NRXN1: variants seen among roughly 807,000 people sequenced by gnomAD.
The protein encoded by NRXN1 is neurexin-1.
In NRXN1, 39 loss-of-function variants were observed where a neutral mutation model predicts 150.9. The ratio of observed to expected loss-of-function variants is 0.26; its 90% CI spans 0.20 to 0.34. The LOEUF (loss-of-function observed/expected upper bound fraction) is 0.34, where lower values mean the gene tolerates loss of function less well. NRXN1 is among the 10% of genes least tolerant of loss of function. NRXN1 has a pLI of 1.00. For synonymous variants in NRXN1, 924 were observed against 757.0 expected (o/e 1.22, Z -3.62); for missense variants, 1,815 against 1,949.9 (o/e 0.93, Z 1.30).
intron 8 of NRXN1, among the ~76,000 whole-genome samples, chr2:50,569,018 T>C (rs1670265729): frequency 6.6e-6 from 1 of 152,074 alleles, no homozygotes; most frequent in Non-Finnish European, 1.5e-5. Flanking sequence ...GGAGGTCATA[T>C]TGTTAAGTGA....
At chr2:50,100,780 GACA>G (rs1354145257) in intron 18 of NRXN1, among the ~76,000 whole-genome samples, 11 of 152,036 alleles carry the variant, frequency 7.2e-5, no homozygotes, top group South Asian at 2.1e-4. Context: ...CATCCACTGA[GACA>G]ACAACTACTA....
chr2:50,358,898 C>T (rs540441792), intron 17 of NRXN1, among the ~76,000 whole-genome samples: 4 of 152,348 alleles, frequency 2.6e-5, no homozygotes, highest in African/African-American at 9.6e-5. Context: ...AAGCAGCAAC[C>T]TTTACTGTTC....
chr2:50,931,656 T>C (rs1574966077), intron 2 of NRXN1, among the ~76,000 whole-genome samples: 1 of 150,978 alleles, frequency 6.6e-6, no homozygotes, highest in East Asian at 1.9e-4. Context: ...AAGGATTTGA[T>C]TTTTCATTTC....
rs201074140 is a variant in NRXN1 at position 50,623,283 on chromosome 2, C to A, written c.1134+31G>T. The A allele has an allele frequency of 2.7e-4, 423 of 1,578,632 alleles. 2 individuals are homozygous for A. The South Asian group carries it at 4.4e-3, about 17-fold the overall frequency. Reference sequence around the variant, plus strand: ...CACACAGCTATAGCGAGAAACAAAGCCAGTTACTCTCTTATCCACTGCGCT... The same window carrying A: ...CACACAGCTATAGCGAGAAACAAAGACAGTTACTCTCTTATCCACTGCGCT... On this transcript the variant is annotated intron_variant, in intron 6 of 22. Transcript: ENST00000401669.
intron 18 of NRXN1, among the ~76,000 whole-genome samples, chr2:50,093,944 C>A (rs1013325246): frequency 8.5e-5 from 13 of 152,178 alleles, no homozygotes; most frequent in Admixed American, 2.0e-4. Context: ...GTTGTGCCAT[C>A]CTATAGCTGT....
At chr2:50,148,401 C>T (rs1468258923) in intron 18 of NRXN1, among the ~76,000 whole-genome samples, 1 of 151,516 alleles carries the variant, frequency 6.6e-6, no homozygotes, top group Non-Finnish European at 1.5e-5. Flanking sequence ...GCACTTGCTA[C>T]ATTGCTCAAA....
intron 17 of NRXN1, among the ~76,000 whole-genome samples, chr2:50,457,940 CA>C (rs2087743608): frequency 6.6e-6 from 1 of 152,018 alleles, no homozygotes; most frequent in South Asian, 2.1e-4. Context: ...CTCAAAAAAT[CA>C]AACACATAAC....
At chr2:50,437,996 C>T (rs890094168) in intron 17 of NRXN1, among the ~76,000 whole-genome samples, 1 of 152,196 alleles carries the variant, frequency 6.6e-6, no homozygotes, top group East Asian at 1.9e-4. Context: ...TCAGTTATCA[C>T]TTCACAGCAG....
chr2:50,149,838 T>A (rs932524001), intron 18 of NRXN1, among the ~76,000 whole-genome samples: 1 of 151,664 alleles, frequency 6.6e-6, no homozygotes, highest in African/African-American at 2.4e-5. Context: ...AAGAGAAGAC[T>A]TGAGCCCCCA....
At chr2:50,127,834 A>AAGGTAC (rs1257186184) in intron 18 of NRXN1, among the ~76,000 whole-genome samples, 1 of 152,216 alleles carries the variant, frequency 6.6e-6, no homozygotes, top group Non-Finnish European at 1.5e-5. Context: ...AAGGTCAGAT[A>AAGGTAC]AATAAGAAGC....
At chr2:50,562,150 A>G (rs1376090218) in intron 8 of NRXN1, among the ~76,000 whole-genome samples, 2 of 152,178 alleles carry the variant, frequency 1.3e-5, no homozygotes, top group African/African-American at 4.8e-5. Flanking sequence ...TGATGTGTCT[A>G]GATTAATCAA....
intron 5 of NRXN1, among the ~76,000 whole-genome samples, chr2:50,709,889 A>G (rs1345591114): frequency 6.6e-6 from 1 of 152,180 alleles, no homozygotes; most frequent in East Asian, 1.9e-4. Flanking sequence ...CAAGAATTCA[A>G]TTAGAATGAA....
At chr2:50,451,209 T>C (rs1005629493) in intron 17 of NRXN1, among the ~76,000 whole-genome samples, 2 of 152,216 alleles carry the variant, frequency 1.3e-5, no homozygotes, top group Non-Finnish European at 2.9e-5. Context: ...GCTCAAGCGA[T>C]CTGCCCAGTT....
intron 17 of NRXN1, among the ~76,000 whole-genome samples, chr2:50,256,109 T>C (rs1280772199): frequency 2.0e-5 from 3 of 152,174 alleles, no homozygotes; most frequent in Non-Finnish European, 4.4e-5. Flanking sequence ...TATTAACATA[T>C]TCTAGCAAAT....
At chr2:50,266,690 C>A (rs1340203894) in intron 17 of NRXN1, among the ~76,000 whole-genome samples, 1 of 151,952 alleles carries the variant, frequency 6.6e-6, no homozygotes, top group African/African-American at 2.4e-5. Context: ...AAGGCAAACT[C>A]TGACCCTGTC....
intron 5 of NRXN1, among the ~76,000 whole-genome samples, chr2:50,848,635 G>A (rs1263281176): frequency 1.3e-5 from 2 of 152,040 alleles, no homozygotes; most frequent in East Asian, 1.9e-4. Flanking sequence ...CAGAGACTAG[G>A]ACTGGAAAAC....
intron 21 of NRXN1, among the ~76,000 whole-genome samples, chr2:49,962,216 C>T (rs1676091904): frequency 6.6e-6 from 1 of 152,172 alleles, no homozygotes; most frequent in Admixed American, 6.5e-5. Flanking sequence ...GCCTCCTCAC[C>T]CTTCGGGAAC....
intron 21 of NRXN1, chr2:49,973,932 G>A (rs1678433061): frequency 1.4e-6 from 1 of 715,040 alleles, no homozygotes; most frequent in African/African-American, 1.8e-5. Context: ...GCAGATCTAA[G>A]CTGTGCTCAG....
intron 5 of NRXN1, among the ~76,000 whole-genome samples, chr2:50,863,854 C>T (rs1362439326): frequency 2.0e-5 from 3 of 151,940 alleles, no homozygotes; most frequent in East Asian, 1.9e-4. Flanking sequence ...AGGGCCTATG[C>T]GCATTAAAAA....
Sources: gnomAD v4.1 joint callset for allele counts (sites outside exome capture counted in the v4.1 genomes callset) on GRCh38, gnomAD v4.1.1 for gene constraint, MANE v1.5 for transcripts, NCBI Gene and HGNC (gene_info 2026-07-23, HGNC 2026-07-21) for gene names.